ADGRV1: variants seen among roughly 807,000 people sequenced by gnomAD.
The protein encoded by ADGRV1 is G-protein coupled receptor 98.
Under a neutral mutation model 596.2 loss-of-function variants are expected in ADGRV1, and 359 were observed. The ratio of observed to expected loss-of-function variants is 0.60; its 90% CI spans 0.55 to 0.66. ADGRV1 has a LOEUF of 0.66. Ranked by LOEUF, ADGRV1 falls within the 30% of genes least tolerant of loss-of-function variation. The probability of loss-of-function intolerance (pLI) is 0.00; values close to 1 mark genes in which losing one functional copy is unlikely to be tolerated. For missense variants in ADGRV1, 7,274 were observed against 7,575.6 expected (o/e 0.96, Z 1.48); for synonymous variants, 2,681 against 2,679.2 (o/e 1.00, Z -0.02).
intron 52 of ADGRV1, among the ~76,000 whole-genome samples, chr5:90,749,083 TGGAGAGCACATGC>T (rs1754969315): frequency 6.6e-6 from 1 of 152,206 alleles, no homozygotes; most frequent in African/African-American, 2.4e-5. Flanking sequence ...TTGCAGCAGA[TGGAGAGCACATGC>T]TATTCCTCAA....
chr5:90,809,016 G>A (rs1430991143), intron 73 of ADGRV1, among the ~76,000 whole-genome samples: 5 of 148,808 alleles, frequency 3.4e-5, no homozygotes, highest in Admixed American at 6.8e-5. Context: ...GTGCTAGCTC[G>A]GCTCACTGCA....
intron 87 of ADGRV1, among the ~76,000 whole-genome samples, chr5:91,136,902 G>A (rs565495401): frequency 5.3e-5 from 8 of 152,028 alleles, no homozygotes; most frequent in Admixed American, 2.0e-4. Flanking sequence ...TCAAATTACC[G>A]ATTACAAGAA....
intron 11 of ADGRV1, among the ~76,000 whole-genome samples, chr5:90,639,040 C>A (rs1230048793): frequency 6.7e-6 from 1 of 148,884 alleles, no homozygotes; most frequent in Admixed American, 6.8e-5. Flanking sequence ...ACCAAGCAAA[C>A]AAAAAAACCA....
At chr5:90,617,649 G>T in intron 2 of ADGRV1, 155 bp from the exon 3 acceptor site, 1 of 609,652 alleles carries the variant, frequency 1.6e-6, no homozygotes, top group South Asian at 2.4e-5. Flanking sequence ...TTTTTCAGTT[G>T]TTAAATATTT....
At chr5:90,697,404 TTA>T (rs1747334217) in intron 34 of ADGRV1, among the ~76,000 whole-genome samples, 1 of 152,124 alleles carries the variant, frequency 6.6e-6, no homozygotes, top group African/African-American at 2.4e-5. Context: ...CCTGAAATGC[TTA>T]GTTTTCCCAT....
chr5:90,751,288 G>A (rs75710966), intron 53 of ADGRV1, among the ~76,000 whole-genome samples: 3,456 of 152,220 alleles, frequency 0.023, 144 homozygotes, highest in African/African-American at 0.079. Flanking sequence ...CTGGTCCTTA[G>A]GAGTTGTTCC....
chr5:90,644,276 G>C (rs1767411794), intron 14 of ADGRV1, among the ~76,000 whole-genome samples: 1 of 152,114 alleles, frequency 6.6e-6, no homozygotes, highest in African/African-American at 2.4e-5. Flanking sequence ...TTAAAACTAA[G>C]AACTACTGCT....
intron 21 of ADGRV1, among the ~76,000 whole-genome samples, chr5:90,665,899 T>A (rs1320655165): frequency 6.7e-6 from 1 of 149,502 alleles, no homozygotes; most frequent in Non-Finnish European, 1.5e-5. Flanking sequence ...AGCAGGTTGT[T>A]CAGTTTCCAT....
chr5:91,057,913 T>C (rs1787034485), intron 85 of ADGRV1, among the ~76,000 whole-genome samples: 1 of 152,222 alleles, frequency 6.6e-6, no homozygotes, highest in African/African-American at 2.4e-5. Context: ...TGCCCAGGTA[T>C]TACTAGTGAG....
At chr5:90,817,075 T>C (rs1581214938) in intron 75 of ADGRV1, among the ~76,000 whole-genome samples, 1 of 152,224 alleles carries the variant, frequency 6.6e-6, no homozygotes, top group Non-Finnish European at 1.5e-5. Flanking sequence ...CAGCACCTGT[T>C]GTTTCCTGAC....
intron 83 of ADGRV1, among the ~76,000 whole-genome samples, chr5:90,935,643 G>T (rs963409935): frequency 1.3e-5 from 2 of 152,140 alleles, no homozygotes; most frequent in African/African-American, 4.8e-5. Context: ...TAGTTCTTAA[G>T]TCTGTGGGCC....
intron 73 of ADGRV1, among the ~76,000 whole-genome samples, chr5:90,808,353 AAC>A (rs1051324285): frequency 6.6e-6 from 1 of 152,200 alleles, no homozygotes; most frequent in Admixed American, 6.5e-5. Context: ...CTCGCTGTGT[AAC>A]TTTGAGAAAA....
intron 9 of ADGRV1, among the ~76,000 whole-genome samples, chr5:90,631,324 C>G (rs1379435524): frequency 6.6e-6 from 1 of 152,016 alleles, no homozygotes. Flanking sequence ...TTTGAAGACT[C>G]CCGCGTTTTT....
chr5:90,679,653 T>C, intron 26 of ADGRV1, 24 bp downstream of exon 26: 1 of 1,538,362 alleles, frequency 6.5e-7, no homozygotes, highest in Non-Finnish European at 9.0e-7. Flanking sequence ...CCAAGGTCCT[T>C]TACTATTATA....
intron 86 of ADGRV1, among the ~76,000 whole-genome samples, chr5:91,073,378 T>C (rs1247098227): frequency 6.6e-6 from 1 of 152,298 alleles, no homozygotes; most frequent in Non-Finnish European, 1.5e-5. Flanking sequence ...GTTTTACAAG[T>C]CTAAAGCCAA....
chr5:90,835,386 T>A (rs1185902584), intron 77 of ADGRV1, among the ~76,000 whole-genome samples: 1 of 152,156 alleles, frequency 6.6e-6, no homozygotes, highest in Non-Finnish European at 1.5e-5. Flanking sequence ...CCTTACTTTC[T>A]CCTAAACAAA....
In ADGRV1 at chr5:90,683,831, G is replaced by C. The variant is rs1225911339; in HGVS notation, c.5910G>C (p.Leu1970Phe). 1 of 1,613,578 alleles carries C rather than the reference G, an allele frequency of 6.2e-7. No individual in the cohort carries two copies. Among genetic ancestry groups the C allele is most frequent in the Non-Finnish European group, 8.5e-7 (1 of 1,179,834 alleles). The change falls in exon 28 of 90, where the codon TTG becomes TTC. Residue 1970 changes from leucine to phenylalanine, a missense_variant. By Grantham distance (22) the Leu-to-Phe change is conservative. This residue lies in a region of ADGRV1 where 3,643 missense variants were observed against 3,809.2 expected (regional missense o/e 0.96). Coordinates refer to ENST00000405460, the MANE Select transcript of ADGRV1 (RefSeq NM_032119.4). ...ATATTAATGCCACGTTAACAGTTTT[G>C]GCTAGTGATGATCCATATGGGATAT... Reference protein sequence around the residue: ...GAHINATLTVLASDDPYGIFI... With the variant: ...GAHINATLTVFASDDPYGIFI...
intron 29 of ADGRV1, among the ~76,000 whole-genome samples, chr5:90,687,183 T>C (rs1312224142): frequency 1.3e-5 from 2 of 152,248 alleles, no homozygotes; most frequent in Non-Finnish European, 2.9e-5. Flanking sequence ...GTGATGGTAC[T>C]TACTTTTGCT....
At chr5:90,698,159 A>G (rs1024721543) in intron 34 of ADGRV1, among the ~76,000 whole-genome samples, 5 of 152,320 alleles carry the variant, frequency 3.3e-5, no homozygotes, top group East Asian at 1.9e-4. Flanking sequence ...GTAAAAGTGA[A>G]TAATTCCATA....
Sources: allele counts gnomAD v4.1 joint callset (sites outside exome capture counted in the v4.1 genomes callset), GRCh38; gene constraint gnomAD v4.1.1; regional missense constraint gnomAD v4.1.1; transcripts MANE v1.5; gene names NCBI Gene and HGNC (gene_info 2026-07-23, HGNC 2026-07-21).